The following CTNNBL1 variants were observed in gnomAD, a reference collection of about 807,000 sequenced individuals.
CTNNBL1 encodes the protein catenin beta like 1, also known as beta-catenin-like protein 1.
A neutral mutation model predicts 72.7 loss-of-function variants in CTNNBL1; 31 were observed. The ratio of observed to expected loss-of-function variants is 0.43; its 90% CI spans 0.32 to 0.58. The LOEUF is 0.58. Among genes scored for constraint, CTNNBL1 ranks in the 20% least tolerant of loss-of-function variants. The pLI, the probability that CTNNBL1 is intolerant of heterozygous loss-of-function variation, is 0.08. For missense variants in CTNNBL1, 534 were observed against 725.1 expected, an observed-to-expected ratio of 0.74 and a Z score of 3.03; for synonymous variants, 240 against 267.3, an observed-to-expected ratio of 0.90 and a Z score of 1.00.
chr20:37,723,835 T>C (rs1486622554), intron 1 of CTNNBL1, among the ~76,000 whole-genome samples: 1 of 152,224 alleles, frequency 6.6e-6, no homozygotes, highest in Non-Finnish European at 1.5e-5. Flanking sequence ...GAGTGTGAGC[T>C]GTTTCATTTG....
chr20:37,871,215 T>C (rs764534846), intron 15 of CTNNBL1, among the ~76,000 whole-genome samples: 1 of 151,682 alleles, frequency 6.6e-6, no homozygotes, highest in South Asian at 2.1e-4. Flanking sequence ...TTCCATGCAG[T>C]GCTGCTGCTG....
At chr20:37,732,748 G>T in intron 1 of CTNNBL1, 131 bp from the exon 2 acceptor site, 1 of 710,242 alleles carries the variant, frequency 1.4e-6, no homozygotes, top group Non-Finnish European at 2.2e-6. Flanking sequence ...CCTCAGGCTG[G>T]TCTCAAACTC....
At chr20:37,805,952 A>T (rs1024214912) in intron 11 of CTNNBL1, among the ~76,000 whole-genome samples, 14 of 152,228 alleles carry the variant, frequency 9.2e-5, no homozygotes, top group Non-Finnish European at 1.6e-4. Flanking sequence ...ATTGAGGACA[A>T]ACATGGGTTT....
At chr20:37,837,204 C>T (rs1298986335) in intron 11 of CTNNBL1, among the ~76,000 whole-genome samples, 1 of 152,144 alleles carries the variant, frequency 6.6e-6, no homozygotes, top group Non-Finnish European at 1.5e-5. Context: ...CCTACTTTCT[C>T]ACCCCGAGCT....
At chr20:37,811,108 C>A (rs541571672) in intron 11 of CTNNBL1, among the ~76,000 whole-genome samples, 1 of 152,268 alleles carries the variant, frequency 6.6e-6, no homozygotes, top group African/African-American at 2.4e-5. Flanking sequence ...AGAAGAACTT[C>A]TTTTCCTTCC....
chr20:37,725,905 AC>A (rs2073080307), intron 1 of CTNNBL1, among the ~76,000 whole-genome samples: 2 of 151,692 alleles, frequency 1.3e-5, no homozygotes, highest in Non-Finnish European at 1.5e-5. Context: ...AATCGCTTGA[AC>A]CCTGGAGGAG....
chr20:37,832,090 C>T (rs1266875095), intron 11 of CTNNBL1, among the ~76,000 whole-genome samples: 2 of 152,194 alleles, frequency 1.3e-5, no homozygotes, highest in South Asian at 2.1e-4. Flanking sequence ...TTATAGCCAG[C>T]GACACACAAG....
At chr20:37,807,174 C>T (rs1333642201) in intron 11 of CTNNBL1, among the ~76,000 whole-genome samples, 2 of 152,140 alleles carry the variant, frequency 1.3e-5, no homozygotes, top group East Asian at 1.9e-4. Context: ...TCCTAAGCTC[C>T]CTGGGCCGCA....
chr20:37,826,402 A>G (rs1243494667), intron 11 of CTNNBL1, among the ~76,000 whole-genome samples: 1 of 152,228 alleles, frequency 6.6e-6, no homozygotes, highest in African/African-American at 2.4e-5. Context: ...AGGTGCTTAG[A>G]CAATGCTTGT....
intron 3 of CTNNBL1, among the ~76,000 whole-genome samples, chr20:37,742,459 C>T (rs1006530614): frequency 2.6e-5 from 4 of 152,196 alleles, no homozygotes; most frequent in Non-Finnish European, 4.4e-5. Context: ...TTCAATAAAG[C>T]CATCAAGTTC....
At chr20:37,851,072 G>T (rs1048579139) in intron 13 of CTNNBL1, among the ~76,000 whole-genome samples, 1 of 152,166 alleles carries the variant, frequency 6.6e-6, no homozygotes. Context: ...TGAGTAAGTG[G>T]CTGGAAGAGG....
chr20:37,763,323 C>T (rs1174146023), intron 5 of CTNNBL1, among the ~76,000 whole-genome samples: 1 of 152,128 alleles, frequency 6.6e-6, no homozygotes, highest in Non-Finnish European at 1.5e-5. Flanking sequence ...GATTTGAGAG[C>T]AAGATTGTGT....
At chr20:37,817,610 T>C (rs1479094573) in intron 11 of CTNNBL1, among the ~76,000 whole-genome samples, 1 of 152,176 alleles carries the variant, frequency 6.6e-6, no homozygotes, top group Non-Finnish European at 1.5e-5. Context: ...AGATTCCTCA[T>C]CTATAACAGT....
chr20:37,775,069 G>A (rs2073561844), intron 7 of CTNNBL1, among the ~76,000 whole-genome samples: 1 of 151,944 alleles, frequency 6.6e-6, no homozygotes, highest in Admixed American at 6.6e-5. Flanking sequence ...TTACAGCACC[G>A]CTATGCCAAA....
In CTNNBL1 at chr20:37,746,669, T is replaced by C. The variant is rs2297154; in HGVS notation, c.466+62T>C. 0.94 allele frequency: 1,484,736 copies of C among 1,582,316 alleles called. 697,335 individuals are homozygous for C. Among genetic ancestry groups the C allele is most frequent in the African/African-American group, 0.99 (73,502 of 74,394 alleles). On this transcript the variant is annotated intron_variant, in intron 4 of 15. Transcript: ENST00000361383. ...CATGGTGGGGAAGTGCTGTTACTCT[T>C]TCTCCTGTCTCTCTTTGTAGATGTG...
chr20:37,823,051 G>T (rs2072123746), intron 11 of CTNNBL1, among the ~76,000 whole-genome samples: 1 of 152,196 alleles, frequency 6.6e-6, no homozygotes, highest in Non-Finnish European at 1.5e-5. Context: ...ATTGTTGATT[G>T]TACCCGGTTA....
chr20:37,826,356 C>G (rs1382438500), intron 11 of CTNNBL1, among the ~76,000 whole-genome samples: 1 of 152,108 alleles, frequency 6.6e-6, no homozygotes, highest in Non-Finnish European at 1.5e-5. Context: ...GTGAGTTAAC[C>G]AAAGGCAACA....
chr20:37,717,009 G>A (rs2122568624), intron 1 of CTNNBL1, among the ~76,000 whole-genome samples: 1 of 152,294 alleles, frequency 6.6e-6, no homozygotes. Context: ...GTTTGTAAGT[G>A]AATAAAATGG....
At chr20:37,779,468 T>G in intron 10 of CTNNBL1, 133 bp downstream of exon 10, 1 of 959,464 alleles carries the variant, frequency 1.0e-6, no homozygotes, top group Non-Finnish European at 1.6e-6. Context: ...AGTAAAGTCT[T>G]CAGGCATGGG....
Sources: allele counts gnomAD v4.1 joint callset (sites outside exome capture counted in the v4.1 genomes callset), GRCh38; gene constraint gnomAD v4.1.1; transcripts MANE v1.5; gene names NCBI Gene and HGNC (gene_info 2026-07-23, HGNC 2026-07-21).